Variants in PTPN2 observed in about 807,000 individuals in gnomAD.
PTPN2 encodes the protein protein tyrosine phosphatase non-receptor type 2.
PTPN2 carries 19 observed loss-of-function variants against 57.3 expected under a neutral mutation model. The ratio of observed to expected loss-of-function variants is 0.33; its 90% CI spans 0.23 to 0.49. PTPN2 has a LOEUF of 0.49. Among genes scored for constraint, PTPN2 ranks in the 20% least tolerant of loss-of-function variants. The pLI, the probability that PTPN2 is intolerant of heterozygous loss-of-function variation, is 0.99. For synonymous variants in PTPN2, 153 were observed against 164.9 expected, an observed-to-expected ratio of 0.93 and a Z score of 0.55; for missense variants, 358 against 501.1, an observed-to-expected ratio of 0.71 and a Z score of 2.73.
rs1273394116 is a variant in PTPN2 at position 12,846,396 on chromosome 18, T to C, written c.161-9505A>G. Among the ~76,000 whole-genome samples the C allele has an allele frequency of 4.6e-5, 7 of 152,222 alleles. No homozygotes were observed. The East Asian group carries it at 1.2e-3, about 25-fold the overall frequency. Reference sequence around the variant, plus strand: ...CTATACAAAGGTAGAACTTTCCCTATCCCTCATTTATGTATTCATTTGTTT... The same window carrying C: ...CTATACAAAGGTAGAACTTTCCCTACCCCTCATTTATGTATTCATTTGTTT... On this transcript the variant is annotated intron_variant, in intron 2 of 8. Coordinates refer to ENST00000309660, the MANE Select transcript of PTPN2 (RefSeq NM_002828.4).
At chr18:12,812,767 T>C (rs990869310) in intron 7 of PTPN2, among the ~76,000 whole-genome samples, 18 of 152,172 alleles carry the variant, frequency 1.2e-4, no homozygotes, top group Non-Finnish European at 2.1e-4. Context: ...CAGCATGCTT[T>C]TCTGATCCTG....
intron 1 of PTPN2, among the ~76,000 whole-genome samples, chr18:12,881,887 C>T (rs1379054565): frequency 7.9e-5 from 12 of 152,340 alleles, no homozygotes; most frequent in Admixed American, 7.2e-4. Flanking sequence ...ACTGGGACTC[C>T]TGTCTTTTAA....
chr18:12,816,782 T>C (rs1372209901), intron 6 of PTPN2, among the ~76,000 whole-genome samples: 3 of 152,222 alleles, frequency 2.0e-5, no homozygotes, highest in Non-Finnish European at 4.4e-5. Flanking sequence ...AGTATGTCTA[T>C]CATTATCCCT....
At chr18:12,866,960 G>A (rs1209684493) in intron 1 of PTPN2, among the ~76,000 whole-genome samples, 2 of 151,534 alleles carry the variant, frequency 1.3e-5, no homozygotes, top group Admixed American at 6.6e-5. Flanking sequence ...AGCCGAGATC[G>A]CGCCACTCAC....
chr18:12,837,282 A>G (rs552351318), intron 2 of PTPN2, among the ~76,000 whole-genome samples: 2 of 152,326 alleles, frequency 1.3e-5, no homozygotes, highest in African/African-American at 2.4e-5. Flanking sequence ...AGATGAGACT[A>G]GATTTCCGAG....
At chr18:12,815,100 A>G (rs911237146) in intron 6 of PTPN2, among the ~76,000 whole-genome samples, 7 of 70,530 alleles carry the variant, frequency 9.9e-5, no homozygotes, top group African/African-American at 2.3e-4. Context: ...AAATAAATAA[A>G]TAAATAAATA....
chr18:12,845,539 T>A (rs2043181368), intron 2 of PTPN2, among the ~76,000 whole-genome samples: 1 of 152,330 alleles, frequency 6.6e-6, no homozygotes, highest in Non-Finnish European at 1.5e-5. Flanking sequence ...TGACCTTGTA[T>A]CCCACAACCT....
At chr18:12,879,107 C>T (rs2044587337) in intron 1 of PTPN2, among the ~76,000 whole-genome samples, 1 of 152,140 alleles carries the variant, frequency 6.6e-6, no homozygotes, top group African/African-American at 2.4e-5. Flanking sequence ...CACAATCAGA[C>T]CAAATTAAAC....
chr18:12,795,270 A>G (rs2041129016), intron 8 of PTPN2, among the ~76,000 whole-genome samples: 1 of 151,998 alleles, frequency 6.6e-6, no homozygotes, highest in Non-Finnish European at 1.5e-5. Context: ...CCATTTTCAT[A>G]GTCAATACAG....
Position 12,845,206 on chromosome 18 carries a change from C to G in PTPN2, c.161-8315G>C, listed in dbSNP as rs950213378. ...ACAAAAAAACTTCCTGAAATTCTGA[C>G]AGAAATTGTGTTAGATCTTTAGGAA... is the stretch of plus-strand genomic sequence containing the variant. On this transcript the variant is annotated intron_variant, in intron 2 of 8. Coordinates refer to ENST00000309660, the MANE Select transcript of PTPN2 (RefSeq NM_002828.4). Among the ~76,000 whole-genome samples the G allele has an allele frequency of 2.6e-5, 4 of 152,140 alleles. No homozygotes were observed. In the East Asian group the frequency reaches 7.7e-4, roughly 29 times the overall value.
chr18:12,879,576 T>A (rs1158329266), intron 1 of PTPN2, among the ~76,000 whole-genome samples: 1 of 152,214 alleles, frequency 6.6e-6, no homozygotes, highest in Non-Finnish European at 1.5e-5. Flanking sequence ...ATAAAAAATA[T>A]AAACTCAGAT....
At chr18:12,858,032 C>T (rs761687847) in intron 2 of PTPN2, among the ~76,000 whole-genome samples, 1 of 151,870 alleles carries the variant, frequency 6.6e-6, no homozygotes, top group African/African-American at 2.4e-5. Context: ...GATTTTTTTC[C>T]AGTAACTGAT....
intron 7 of PTPN2, among the ~76,000 whole-genome samples, 172 bp downstream of exon 7, chr18:12,814,031 A>G (rs1293759815): frequency 1.3e-5 from 2 of 152,228 alleles, no homozygotes; most frequent in Non-Finnish European, 2.9e-5. Context: ...GAGGCTGAGT[A>G]TATATGAGGA....
chr18:12,883,434 A>G (rs2044734256), intron 1 of PTPN2, among the ~76,000 whole-genome samples: 1 of 151,968 alleles, frequency 6.6e-6, no homozygotes, highest in African/African-American at 2.4e-5. Context: ...GCCACGAGCC[A>G]CCCCCAACCA....
intron 2 of PTPN2, among the ~76,000 whole-genome samples, chr18:12,857,576 G>A (rs2043637142): frequency 6.6e-6 from 1 of 152,182 alleles, no homozygotes; most frequent in African/African-American, 2.4e-5. Context: ...GGAAAATACT[G>A]TCTTCAAAAC....
intron 1 of PTPN2, chr18:12,862,146 CTT>C (rs1175400569): frequency 7.3e-5 from 11 of 150,592 alleles, no homozygotes; most frequent in Non-Finnish European, 1.3e-4. Flanking sequence ...CCAATATCCT[CTT>C]TCTCTTTCTT....
rs1369505711 is a variant in PTPN2 at position 12,843,853 on chromosome 18, G to A, written c.161-6962C>T. 3 of 152,308 alleles carry A rather than the reference G, an allele frequency of 2.0e-5. No individual in the cohort carries two copies. In the South Asian group the frequency reaches 6.2e-4, roughly 32 times the overall value. 9.4% of individuals were successfully genotyped at this position (152,308 alleles called of 1,614,324 possible). On this transcript the variant is annotated intron_variant, in intron 2 of 8. Coordinates refer to ENST00000309660, the MANE Select transcript of PTPN2 (RefSeq NM_002828.4). The stretch of plus-strand genomic sequence containing the variant: ...ACAGGCACTCATTTGTGTGTGCTCA[G>A]TTCTATGCCATTTTACCACAAACAA...
chr18:12,866,164 C>T (rs181520281), intron 1 of PTPN2, among the ~76,000 whole-genome samples: 75 of 152,300 alleles, frequency 4.9e-4, no homozygotes, highest in Middle Eastern at 3.4e-3. Flanking sequence ...ACCAGCCGGG[C>T]GCGGTGGCTC....
At chr18:12,796,525 G>A (rs1184185950) in intron 8 of PTPN2, among the ~76,000 whole-genome samples, 1 of 152,132 alleles carries the variant, frequency 6.6e-6, no homozygotes, top group Non-Finnish European at 1.5e-5. Flanking sequence ...CCAAGAGATT[G>A]TTAGTGGGAA....
Sources: allele counts gnomAD v4.1 joint callset (sites outside exome capture counted in the v4.1 genomes callset), GRCh38; gene constraint gnomAD v4.1.1; transcripts MANE v1.5; gene names NCBI Gene and HGNC (gene_info 2026-07-23, HGNC 2026-07-21).